The following XKR4 variants were observed in gnomAD, a reference collection of about 807,000 sequenced individuals.
XKR4 encodes XK-related protein 4.
XKR4 carries 12 observed loss-of-function variants against 53.9 expected under a neutral mutation model. That is an observed-to-expected ratio of 0.22 (90% CI 0.14 to 0.36). The LOEUF is 0.36. XKR4 is among the 10% of genes least tolerant of loss of function. XKR4 has a pLI of 1.00. For missense variants in XKR4, 799 were observed against 859.5 expected (o/e 0.93, Z 0.88); for synonymous variants, 354 against 362.4 (o/e 0.98, Z 0.26).
chr8:55,109,009 AGT>A lies in XKR4; in HGVS notation c.806+5716_806+5717del, dbSNP rs1563458421. The stretch of plus-strand genomic sequence containing the variant: ...AAGCCCGAAAACTTGAGAGCTCCAT[AGT>A]AAGTGCTGAACTGTTGTAACCTGGA... On this transcript the variant is annotated intron_variant, in intron 1 of 2. Coordinates refer to ENST00000327381, the MANE Select transcript of XKR4 (RefSeq NM_052898.2). 3.3e-5 allele frequency among the ~76,000 whole-genome samples: 5 copies of A among 152,304 alleles called. No homozygotes were observed. In the South Asian group the frequency reaches 1.0e-3, roughly 32 times the overall value.
In XKR4 at chr8:55,540,288, T is replaced by A. The variant is rs1179303474; in HGVS notation, c.*16061T>A. On this transcript the variant is annotated 3_prime_UTR_variant, in exon 3 of 3. Coordinates refer to ENST00000327381, the MANE Select transcript of XKR4 (RefSeq NM_052898.2). ...ATTAACATTGTATTCCATGAACAAG[T>A]GATAGAAAACATATGGAAATTCTCT... 1.3e-5 allele frequency: 2 copies of A among 152,206 alleles called. No individual in the cohort carries two copies. The highest frequency in any genetic ancestry group is 2.9e-5 in the Non-Finnish European group (2 of 68,032). The allele number at this position is 152,206 out of a possible 1,614,324, so 9.4% of individuals were successfully genotyped here.
Position 55,136,229 on chromosome 8 carries a change from A to C in XKR4, c.806+32935A>C, listed in dbSNP as rs138580355. Among the ~76,000 whole-genome samples, 17 of 152,290 alleles carry C rather than the reference A, an allele frequency of 1.1e-4. No homozygotes were observed. In the East Asian group the frequency reaches 3.1e-3, roughly 28 times the overall value. ...TTTGTCTTTACTGCAAACAATTTAC[A>C]ATATACTCACCATTATTTTATAATC... On this transcript the variant is annotated intron_variant, in intron 1 of 2. Transcript: ENST00000327381.
At chr8:55,149,860 C>T (rs77201569) in intron 1 of XKR4, among the ~76,000 whole-genome samples, 1 of 152,180 alleles carries the variant, frequency 6.6e-6, no homozygotes, top group African/African-American at 2.4e-5. Context: ...TATCAAAAAT[C>T]ATAGTGAGGG....
intron 2 of XKR4, among the ~76,000 whole-genome samples, chr8:55,364,437 T>G (rs1273456620): frequency 1.3e-5 from 2 of 152,212 alleles, no homozygotes; most frequent in African/African-American, 2.4e-5. Flanking sequence ...TTCTGTAGCG[T>G]GTTCTCCCCG....
At chr8:55,262,787 C>T (rs376290231) in intron 1 of XKR4, among the ~76,000 whole-genome samples, 7 of 152,196 alleles carry the variant, frequency 4.6e-5, no homozygotes, top group African/African-American at 1.4e-4. Flanking sequence ...TAGATGCCCA[C>T]TCTTAGATTT....
At chr8:55,197,432 T>C (rs1181802492) in intron 1 of XKR4, among the ~76,000 whole-genome samples, 4 of 152,336 alleles carry the variant, frequency 2.6e-5, no homozygotes, top group Middle Eastern at 3.4e-3. Flanking sequence ...AGTATTCACT[T>C]TGTGATATCT....
At chr8:55,107,743 A>G (rs551330141) in intron 1 of XKR4, among the ~76,000 whole-genome samples, 1 of 152,332 alleles carries the variant, frequency 6.6e-6, no homozygotes, top group Admixed American at 6.5e-5. Flanking sequence ...TACACCTTTG[A>G]CTATTAAAAA....
At chr8:55,446,342 C>G (rs1337879506) in intron 2 of XKR4, among the ~76,000 whole-genome samples, 1 of 152,100 alleles carries the variant, frequency 6.6e-6, no homozygotes, top group African/African-American at 2.4e-5. Flanking sequence ...CTTTAACTGA[C>G]TGATTTCTTT....
At chr8:55,519,831 A>G (rs1005235989) in intron 2 of XKR4, among the ~76,000 whole-genome samples, 1 of 152,244 alleles carries the variant, frequency 6.6e-6, no homozygotes, top group African/African-American at 2.4e-5. Flanking sequence ...TAATGTATGC[A>G]TTTAATCGCA....
intron 1 of XKR4, among the ~76,000 whole-genome samples, chr8:55,262,488 G>C (rs1170450889): frequency 1.3e-5 from 2 of 152,252 alleles, no homozygotes. Flanking sequence ...TTAAGGGCAG[G>C]AAGGTAGAGC....
intron 1 of XKR4, among the ~76,000 whole-genome samples, chr8:55,193,982 G>A (rs1817475406): frequency 6.6e-6 from 1 of 152,174 alleles, no homozygotes; most frequent in Non-Finnish European, 1.5e-5. Context: ...CTGGGGCCCT[G>A]CCGTAGCCTT....
chr8:55,401,228 C>T (rs913905460), intron 2 of XKR4, among the ~76,000 whole-genome samples: 5 of 152,190 alleles, frequency 3.3e-5, no homozygotes, highest in Non-Finnish European at 7.3e-5. Flanking sequence ...GCCGGCTGAG[C>T]TGGCATTTGT....
intron 1 of XKR4, among the ~76,000 whole-genome samples, chr8:55,341,132 G>A (rs1054534630): frequency 6.6e-6 from 1 of 152,156 alleles, no homozygotes; most frequent in Admixed American, 6.5e-5. Flanking sequence ...AGTGCAAGAG[G>A]TTTATTTAAA....
At chr8:55,499,137 T>G (rs1806399755) in intron 2 of XKR4, among the ~76,000 whole-genome samples, 1 of 152,238 alleles carries the variant, frequency 6.6e-6, no homozygotes, top group Non-Finnish European at 1.5e-5. Flanking sequence ...GTCGACTGAC[T>G]TCTAGATAGT....
chr8:55,278,243 A>T (rs765465615), intron 1 of XKR4, among the ~76,000 whole-genome samples: 7 of 151,786 alleles, frequency 4.6e-5, no homozygotes, highest in Non-Finnish European at 1.0e-4. Flanking sequence ...AAGCTGGGGC[A>T]CAAGAATCGT....
At chr8:55,355,585 T>C (rs1204747992) in intron 1 of XKR4, among the ~76,000 whole-genome samples, 8 of 152,154 alleles carry the variant, frequency 5.3e-5, no homozygotes, top group Non-Finnish European at 8.8e-5. Flanking sequence ...ACCATAGATC[T>C]CTAAAAAGAA....
chr8:55,435,445 A>T (rs1451387090), intron 2 of XKR4, among the ~76,000 whole-genome samples: 1 of 152,010 alleles, frequency 6.6e-6, no homozygotes, highest in Non-Finnish European at 1.5e-5. Context: ...GGTCCAGCAT[A>T]TGACTGCAGT....
chr8:55,465,893 T>C (rs1805759582), intron 2 of XKR4, among the ~76,000 whole-genome samples: 1 of 152,034 alleles, frequency 6.6e-6, no homozygotes, highest in Admixed American at 6.6e-5. Flanking sequence ...AAAATGCTCA[T>C]CATCACTGGC....
chr8:55,196,194 T>C (rs1441204066), intron 1 of XKR4, among the ~76,000 whole-genome samples: 1 of 141,504 alleles, frequency 7.1e-6, no homozygotes, highest in African/African-American at 3.0e-5. Context: ...TTTTTTTTTT[T>C]TGTTGAGATG....
Sources: allele counts gnomAD v4.1 joint callset (sites outside exome capture counted in the v4.1 genomes callset), GRCh38; gene constraint gnomAD v4.1.1; transcripts MANE v1.5; gene names NCBI Gene and HGNC (gene_info 2026-07-23, HGNC 2026-07-21).